CFAP91: variants seen among roughly 807,000 people sequenced by gnomAD.
The protein encoded by CFAP91 is cilia- and flagella-associated protein 91.
CFAP91 carries 85 observed loss-of-function variants against 95.9 expected under a neutral mutation model. That is an observed-to-expected ratio of 0.89 (90% CI 0.74 to 1.06). CFAP91 has a LOEUF of 1.06. Among genes scored for constraint, CFAP91 ranks in the 50% least tolerant of loss-of-function variants. The pLI, the probability that CFAP91 is intolerant of heterozygous loss-of-function variation, is 0.00. For missense variants in CFAP91, 962 were observed against 943.4 expected, an observed-to-expected ratio of 1.02 and a Z score of -0.26; for synonymous variants, 335 against 327.5, an observed-to-expected ratio of 1.02 and a Z score of -0.25.
At position 119,743,508 on chromosome 3, in the gene CFAP91, A is replaced by G. The variant is rs562881500; in HGVS notation, c.1681-467A>G. Among the ~76,000 whole-genome samples the G allele has an allele frequency of 6.6e-5, 10 of 152,372 alleles. No homozygotes were observed. The South Asian group carries it at 1.9e-3, about 28-fold the overall frequency. On this transcript the variant is annotated intron_variant, in intron 13 of 17. Coordinates refer to ENST00000273390, the MANE Select transcript of CFAP91 (RefSeq NM_033364.4). Reference sequence around the variant, plus strand: ...AAGGTTTTCTACTTTCACGTTATTCAAGATCTTAACTCCTAACTTGTGTGA... The same window carrying G: ...AAGGTTTTCTACTTTCACGTTATTCGAGATCTTAACTCCTAACTTGTGTGA...
chr3:119,717,181 A>C (rs1010468159), intron 6 of CFAP91, among the ~76,000 whole-genome samples: 3 of 152,328 alleles, frequency 2.0e-5, no homozygotes, highest in Admixed American at 2.0e-4. Flanking sequence ...CTTCTCCTGC[A>C]CACTGGTGCA....
intron 4 of CFAP91, 80 bp from the exon 5 acceptor site, chr3:119,709,759 C>A: frequency 1.9e-6 from 2 of 1,037,610 alleles, no homozygotes; most frequent in Admixed American, 1.8e-5. Flanking sequence ...TTTTAAGGGA[C>A]AAATATTAGA....
At chr3:119,722,195 A>AAAAAAAAG (rs1553707014) in intron 6 of CFAP91, among the ~76,000 whole-genome samples, 13 of 149,330 alleles carry the variant, frequency 8.7e-5, no homozygotes, top group African/African-American at 3.2e-4. Context: ...AAAAAAAAAA[A>AAAAAAAAG]GGAAGAAGAT....
intron 6 of CFAP91, among the ~76,000 whole-genome samples, chr3:119,716,091 A>G (rs1454185523): frequency 1.3e-5 from 2 of 152,238 alleles, no homozygotes; most frequent in Non-Finnish European, 2.9e-5. Context: ...CTTTGAGTGT[A>G]AAATACTGAA....
chr3:119,708,704 G>A (rs1484165268), intron 4 of CFAP91, 30 bp downstream of exon 4: 13 of 1,273,712 alleles, frequency 1.0e-5, no homozygotes, highest in Non-Finnish European at 1.3e-5. Flanking sequence ...GAATATTTGA[G>A]CCCTAATATT....
At chr3:119,740,478 C>T (rs540268903) in intron 12 of CFAP91, 71 bp from the exon 13 acceptor site, 76 of 1,521,184 alleles carry the variant, frequency 5.0e-5, no homozygotes, top group Middle Eastern at 3.5e-4. Context: ...CAAGTCACTG[C>T]GTGTGACTCC....
In CFAP91 at chr3:119,737,456, A is replaced by T. The variant is rs1553709534; in HGVS notation, c.1435A>T (p.Thr479Ser). The part of the protein sequence containing the change: ...RNPIPQPRLP[T>S]PTLEMTSNEE... The stretch of plus-strand genomic sequence containing the variant: ...CCCAATACCTCAACCTCGGCTTCCA[A>T]CTCCAACCTTGGAAATGACGTCCAA... Residue 479 changes from threonine (T) to serine (S), a missense_variant, in exon 11 of 18, where the codon ACT becomes TCT. Physicochemically the swap from Thr to Ser is moderately conservative, Grantham distance 58 (BLOSUM62 1). Transcript: ENST00000273390. 1.9e-6 allele frequency: 3 copies of T among 1,606,278 alleles called. No individual in the cohort carries two copies. The highest frequency in any genetic ancestry group is 2.5e-6 in the Non-Finnish European group (3 of 1,177,220).
chr3:119,755,243 A>G (rs924336483), intron 17 of CFAP91, among the ~76,000 whole-genome samples: 2 of 152,184 alleles, frequency 1.3e-5, no homozygotes, highest in Non-Finnish European at 1.5e-5. Flanking sequence ...TATAGAATGA[A>G]TGTACTTTGC....
chr3:119,716,871 T>C (rs934117229), intron 6 of CFAP91, among the ~76,000 whole-genome samples: 1 of 152,194 alleles, frequency 6.6e-6, no homozygotes, highest in Admixed American at 6.5e-5. Flanking sequence ...ATTACAGGCT[T>C]GAGCTACCGC....
chr3:119,738,356 T>TTTTTTTTTTC (rs2054052290), intron 11 of CFAP91, among the ~76,000 whole-genome samples: 1 of 111,224 alleles, frequency 9.0e-6, no homozygotes, highest in East Asian at 2.5e-4. Flanking sequence ...TTTTTTTTTT[T>TTTTTTTTTTC]TTTTTTTTTT....
intron 6 of CFAP91, among the ~76,000 whole-genome samples, chr3:119,724,162 T>A (rs1405297153): frequency 7.1e-6 from 1 of 140,602 alleles, no homozygotes; most frequent in African/African-American, 2.8e-5. Context: ...GAGCAAGACT[T>A]CATCTCAAAA....
intron 17 of CFAP91, among the ~76,000 whole-genome samples, chr3:119,753,793 C>A (rs2054371322): frequency 2.0e-5 from 3 of 152,146 alleles, no homozygotes; most frequent in Admixed American, 1.3e-4. Flanking sequence ...TATTTATAGT[C>A]TTTTATCCCT....
At chr3:119,730,100 C>G (rs576652947) in intron 7 of CFAP91, 120 bp from the exon 8 acceptor site, 1 of 1,070,030 alleles carries the variant, frequency 9.3e-7, no homozygotes, top group East Asian at 2.4e-5. Context: ...CCAGAGTGGT[C>G]TTTTGGCAAT....
At chr3:119,733,591 A>G in intron 10 of CFAP91, 85 bp downstream of exon 10, 3 of 1,410,102 alleles carry the variant, frequency 2.1e-6, no homozygotes, top group Non-Finnish European at 3.0e-6. Flanking sequence ...AGCAATGTCC[A>G]GTGGGTCAAA....
At chr3:119,721,564 G>A (rs969655981) in intron 6 of CFAP91, among the ~76,000 whole-genome samples, 1 of 152,206 alleles carries the variant, frequency 6.6e-6, no homozygotes, top group Non-Finnish European at 1.5e-5. Flanking sequence ...GATAGGAAGT[G>A]CTTCTGGTAT....
chr3:119,726,813 C>G (rs1425513662), intron 7 of CFAP91, among the ~76,000 whole-genome samples: 1 of 107,636 alleles, frequency 9.3e-6, no homozygotes, highest in Non-Finnish European at 1.8e-5. Flanking sequence ...CTAGCTCTTA[C>G]CCACCCCCCA....
At chr3:119,712,986 A>G (rs1032057602) in intron 5 of CFAP91, among the ~76,000 whole-genome samples, 3 of 151,542 alleles carry the variant, frequency 2.0e-5, no homozygotes, top group Non-Finnish European at 2.9e-5. Flanking sequence ...AAAAAAAACA[A>G]CTATTTAAAG....
chr3:119,727,460 A>G (rs78019127), intron 7 of CFAP91, among the ~76,000 whole-genome samples: 3,621 of 152,252 alleles, frequency 0.024, 69 homozygotes, highest in African/African-American at 0.059. Context: ...CAGAGTGAAA[A>G]CGTCATCTGA....
Position 119,730,320 on chromosome 3 carries a change from A to C in CFAP91, c.961A>C (p.Lys321Gln). The C allele has an allele frequency of 6.2e-7, 1 of 1,614,172 alleles. No individual in the cohort carries two copies. The highest frequency in any genetic ancestry group is 2.2e-5 in the East Asian group (1 of 44,886). ...GAAGCACTTGAATGCCCGGTGGTCTAAACTGCAGGAGGGAAAAGAGGCAAA... is the reference window on the plus strand; with the variant it reads ...GAAGCACTTGAATGCCCGGTGGTCTCAACTGCAGGAGGGAAAAGAGGCAAA... The part of the protein sequence containing the change: ...NMKHLNARWS[K>Q]LQEGKEAKMA... The change falls in exon 8 of 18, where the codon AAA becomes CAA. Residue 321 changes from lysine to glutamine, a missense_variant. Physicochemically the swap from Lys to Gln is moderately conservative, Grantham distance 53. Coordinates refer to ENST00000273390, the MANE Select transcript of CFAP91 (RefSeq NM_033364.4).
Sources: gnomAD v4.1 joint callset for allele counts (sites outside exome capture counted in the v4.1 genomes callset) on GRCh38, gnomAD v4.1.1 for gene constraint, MANE v1.5 for transcripts, NCBI Gene and HGNC (gene_info 2026-07-23, HGNC 2026-07-21) for gene names.